LRRC37A2: variants seen among roughly 807,000 people sequenced by gnomAD.
The protein encoded by LRRC37A2 is leucine-rich repeat-containing protein 37A2.
LRRC37A2 carries 9 observed loss-of-function variants against 68.8 expected under a neutral mutation model. The observed-to-expected ratio is 0.13, with a 90% CI of 0.08 to 0.23. LRRC37A2 has a LOEUF of 0.23. Among genes scored for constraint, LRRC37A2 ranks in the 10% least tolerant of loss-of-function variants. The probability of loss-of-function intolerance (pLI) is 1.00; values close to 1 mark genes in which losing one functional copy is unlikely to be tolerated. For missense variants in LRRC37A2, 168 were observed against 950.4 expected, an observed-to-expected ratio of 0.18 and a Z score of 10.82; for synonymous variants, 63 against 367.6, an observed-to-expected ratio of 0.17 and a Z score of 9.48.
At chr17:46,540,625 TTGAG>T (rs1014676742) in intron 7 of LRRC37A2, among the ~76,000 whole-genome samples, 178 bp from the exon 7 acceptor site, 2 of 141,358 alleles carry the variant, frequency 1.4e-5, no homozygotes, top group African/African-American at 5.6e-5. Context: ...AGTTCTGCTC[TTGAG>T]TATCATTAAT....
At chr17:46,839,833 G>A in the LRRC37A2 span, among the ~76,000 whole-genome samples, 5 of 152,070 alleles carry the variant, frequency 3.3e-5, no homozygotes, top group African/African-American at 7.2e-5. Context: ...AGCTTCATCC[G>A]TGTCCCTGCA....
the LRRC37A2 span, chr17:46,874,941 A>ACC: frequency 8.8e-7 from 1 of 1,135,320 alleles, no homozygotes. Flanking sequence ...AGGGAGACCC[A>ACC]CCCGGAGCTG....
rs968563354 is a variant in LRRC37A2, at chr17:46,532,937, C to CA, written c.2907-7231dup. On this transcript the variant is annotated intron_variant, in intron 6 of 14. Coordinates refer to ENST00000576629, the Ensembl canonical transcript of LRRC37A2. Reference sequence around the variant, plus strand: ...GCAACATACTGAGAGCTTATCTCTACAAAAAAAATGTAAAAGTTAGCTGAA... The same window carrying CA: ...GCAACATACTGAGAGCTTATCTCTACAAAAAAAAATGTAAAAGTTAGCTGAA... 7.1e-4 allele frequency among the ~76,000 whole-genome samples: 97 copies of CA among 136,714 alleles called. 5 individuals carry two copies. Among genetic ancestry groups the CA allele is most frequent in the African/African-American group, 2.5e-3 (87 of 34,506 alleles). The allele number at this position is 136,714 out of a possible 152,430, so 89.7% of individuals were successfully genotyped here. A position where few individuals can be genotyped will look rare whatever the true frequency, so the allele number is the denominator to read the frequency against.
At chr17:46,417,136 A>G in the LRRC37A2 span, among the ~76,000 whole-genome samples, 2 of 133,550 alleles carry the variant, frequency 1.5e-5, no homozygotes, top group African/African-American at 5.5e-5. Context: ...CCTTGTACAT[A>G]ACTCAAGGGT....
chr17:46,999,346 A>G, the LRRC37A2 span, among the ~76,000 whole-genome samples: 6 of 152,252 alleles, frequency 3.9e-5, no homozygotes, highest in East Asian at 1.2e-3. Flanking sequence ...GAAGGGCTCA[A>G]TGTGTGTCCA....
At chr17:46,489,899 C>G in the LRRC37A2 span, among the ~76,000 whole-genome samples, 1 of 151,252 alleles carries the variant, frequency 6.6e-6, no homozygotes, top group Admixed American at 6.6e-5. Flanking sequence ...AATGTATTGG[C>G]AAATACACTC....
At chr17:46,816,977 G>A in the LRRC37A2 span, among the ~76,000 whole-genome samples, 8 of 152,182 alleles carry the variant, frequency 5.3e-5, no homozygotes, top group African/African-American at 1.4e-4. Flanking sequence ...GCCACCCCAT[G>A]GACTTCTTTA....
At chr17:46,997,171 T>C in the LRRC37A2 span, among the ~76,000 whole-genome samples, 1 of 152,010 alleles carries the variant, frequency 6.6e-6, no homozygotes, top group Non-Finnish European at 1.5e-5. Flanking sequence ...GGTAACATGG[T>C]GAAACCCCAT....
chr17:46,771,804 T>A, the LRRC37A2 span, among the ~76,000 whole-genome samples: 1 of 136,814 alleles, frequency 7.3e-6, no homozygotes, highest in Non-Finnish European at 1.6e-5. Context: ...CCAGAGGGCG[T>A]GTGAATGGCG....
At chr17:46,528,691 C>T in intron 6 of LRRC37A2, 1 of 615,164 alleles carries the variant, frequency 1.6e-6, no homozygotes, top group Non-Finnish European at 2.8e-6. Context: ...CTGCACTGCA[C>T]TCCAGCCTGG....
At chr17:46,755,107 T>C in the LRRC37A2 span, among the ~76,000 whole-genome samples, 1 of 152,252 alleles carries the variant, frequency 6.6e-6, no homozygotes, top group Admixed American at 6.5e-5. Flanking sequence ...CCAGTGTACA[T>C]AGTTCTGGAA....
the LRRC37A2 span, among the ~76,000 whole-genome samples, chr17:46,630,990 T>G: frequency 7.1e-6 from 1 of 140,152 alleles, no homozygotes; most frequent in Non-Finnish European, 1.5e-5. Flanking sequence ...TTTACCCAGC[T>G]TTACCAATTG....
At chr17:46,987,020 C>T in the LRRC37A2 span, among the ~76,000 whole-genome samples, 3 of 151,956 alleles carry the variant, frequency 2.0e-5, no homozygotes, top group African/African-American at 7.3e-5. Context: ...CCGAGGTGGG[C>T]GGATCATTTG....
the LRRC37A2 span, among the ~76,000 whole-genome samples, chr17:46,789,595 C>CTTCTTA: frequency 6.6e-6 from 1 of 151,346 alleles, no homozygotes; most frequent in Non-Finnish European, 1.5e-5. Context: ...GAGGTAACCT[C>CTTCTTA]TCAGGGAACA....
chr17:46,428,925 CAA>C, the LRRC37A2 span, among the ~76,000 whole-genome samples: 194 of 6,588 alleles, frequency 0.029, no homozygotes, highest in Admixed American at 0.041. Context: ...GACTCCATCT[CAA>C]AAAAAAAAAA....
At chr17:46,766,745 T>A in the LRRC37A2 span, among the ~76,000 whole-genome samples, 4 of 152,140 alleles carry the variant, frequency 2.6e-5, no homozygotes, top group East Asian at 1.9e-4. Context: ...CTACTCCCTA[T>A]GGCACAGACA....
At chr17:46,940,544 C>G in the LRRC37A2 span, 1 of 1,614,160 alleles carries the variant, frequency 6.2e-7, no homozygotes. Flanking sequence ...CAAGGCTGTC[C>G]TGTCCCCCAG....
chr17:46,970,535 CAAAAAAAAAA>C, the LRRC37A2 span, among the ~76,000 whole-genome samples: 2 of 51,208 alleles, frequency 3.9e-5, no homozygotes, highest in African/African-American at 1.4e-4. Context: ...GACTCCATCT[CAAAAAAAAAA>C]AAAAAAAAAA....
the LRRC37A2 span, chr17:46,755,818 GA>G: frequency 6.3e-7 from 1 of 1,596,756 alleles, no homozygotes; most frequent in Non-Finnish European, 8.5e-7. Context: ...CCTTGATTTT[GA>G]TTGAAAATGA....
Sources: allele counts gnomAD v4.1 joint callset (sites outside exome capture counted in the v4.1 genomes callset), GRCh38; gene constraint gnomAD v4.1.1; transcripts MANE v1.5; gene names NCBI Gene and HGNC (gene_info 2026-07-23, HGNC 2026-07-21).